Variants in POLR1G observed in about 807,000 individuals in gnomAD.
POLR1G encodes DNA-directed RNA polymerase I subunit RPA34.
POLR1G carries 9 observed loss-of-function variants against 6.3 expected under a neutral mutation model. That is an observed-to-expected ratio of 1.44 (90% CI 0.87 to 2.51). POLR1G has a LOEUF of 2.51. Ranked by LOEUF, POLR1G falls within the 30% of genes most tolerant of loss-of-function variation. The pLI, the probability that POLR1G is intolerant of heterozygous loss-of-function variation, is 0.00. For missense variants in POLR1G, 617 were observed against 632.5 expected (o/e 0.98, Z 0.26); for synonymous variants, 248 against 256.5 (o/e 0.97, Z 0.32).
At position 45,409,835 on chromosome 19, in the gene POLR1G, T is replaced by C. The variant is rs1007616; in HGVS notation, c.*334T>C. The stretch of plus-strand genomic sequence containing the variant: ...TATTTTCCCCTATACCCTCAAGCAT[T>C]TATCCATTGAGTTACAAACAATCCA... On this transcript the variant is annotated 3_prime_UTR_variant, in exon 3 of 3. Coordinates refer to ENST00000309424, the MANE Select transcript of POLR1G (RefSeq NM_012099.3). 319,017 of 697,704 alleles carry C rather than the reference T, an allele frequency of 0.46. 78,446 individuals are homozygous for C. The highest frequency in any genetic ancestry group is 0.73 in the East Asian group (26,733 of 36,796). 43.2% of individuals were successfully genotyped at this position (697,704 alleles called of 1,614,324 possible). A position where few individuals can be genotyped will look rare whatever the true frequency, so the allele number is the denominator to read the frequency against.
Position 45,408,623 on chromosome 19 carries a change from C to T in POLR1G, c.655C>T (p.Gln219Ter), listed in dbSNP as rs201059236. ...GCGGAAGAAGAAGAAGAAAAAAAAT[C>T]AGCAGCTGAAAGAACCAGAGGCAGC... ...DVRKKKKKKN[Q>*]QLKEPEAAGP... Residue 219 changes from glutamine (Q) to a stop codon, truncating the protein, a stop_gained, in exon 3 of 3, where the codon CAG becomes TAG. Transcript: ENST00000309424. LOFTEE classifies it low-confidence loss of function (END_TRUNC). 3.1e-6 allele frequency: 5 copies of T among 1,613,676 alleles called. No individual in the cohort carries two copies. Among genetic ancestry groups the T allele is most frequent in the Non-Finnish European group, 4.2e-6 (5 of 1,180,002 alleles).
chr19:45,406,719 G>C lies in POLR1G; in HGVS notation c.22+1G>C. On this transcript the variant is annotated splice_donor_variant, in intron 1 of 2. Transcript: ENST00000309424. LOFTEE classifies it high-confidence loss of function. The surrounding 1 kb of genome is among the most constrained non-coding windows in gnomAD (Gnocchi z 4.2). ...AGGATGGAGGAGCCCCAGGCCGGCG[G>C]TGAGGGTGCGGGTTGACGGGGTGCG... 6.5e-7 allele frequency: 1 copy of C among 1,531,964 alleles called. No individual in the cohort carries two copies. Among genetic ancestry groups the C allele is most frequent in the South Asian group, 1.2e-5 (1 of 81,562 alleles). The allele number at this position is 1,531,964 out of a possible 1,614,324, so 94.9% of individuals were successfully genotyped here.
In POLR1G at chr19:45,409,895, A is replaced by ATTAT. The variant is rs1555785258; in HGVS notation, c.*396_*397insATTT. 20,697 of 171,034 alleles carry ATTAT rather than the reference A, an allele frequency of 0.12. 1,457 individuals carry two copies. The highest frequency in any genetic ancestry group is 0.25 in the East Asian group (2,206 of 8,728). 10.6% of individuals were successfully genotyped at this position (171,034 alleles called of 1,614,324 possible). On this transcript the variant is annotated 3_prime_UTR_variant, in exon 3 of 3. Coordinates refer to ENST00000309424, the MANE Select transcript of POLR1G (RefSeq NM_012099.3). ...TTTTTAAGTTATTATTATTATTATT[A>ATTAT]TTTTTTTTTTTTTTGAGATGGAGTC...
rs563391291 is a variant in POLR1G at position 45,409,451 on chromosome 19, C to T, written c.1483C>T (p.Pro495Ser). ...GAATTCAGAGTCTGGGGAGGAGGCT[C>T]CCACAGGCCGGGACAAGAAGCGGAA... ...PLNSESGEEA[P>S]TGRDKKRKQQ... The change falls in exon 3 of 3, where the codon CCC (proline) becomes TCC (serine). Residue 495 changes from proline (P) to serine (S), a missense_variant. By Grantham distance (74) the Pro-to-Ser change is moderately conservative. Coordinates refer to ENST00000309424, the MANE Select transcript of POLR1G (RefSeq NM_012099.3). 1.2e-6 allele frequency: 2 copies of T among 1,613,186 alleles called. No homozygotes were observed. Among genetic ancestry groups the T allele is most frequent in the South Asian group, 1.1e-5 (1 of 91,038 alleles).
In POLR1G at chr19:45,408,956, A is replaced by T; in HGVS notation, c.988A>T (p.Arg330Trp). Residue 330 changes from arginine (R) to tryptophan (W), a missense_variant, in exon 3 of 3, where the codon AGG becomes TGG. Arg to Trp is a moderately radical substitution (Grantham distance 101). Transcript: ENST00000309424. ...EAIPLPPTKK[R>W]KKEKGQMAMM... ...CATCCCTCTGCCCCCTACGAAGAAG[A>T]GGAAAAAAGAAAAGGGACAGATGGC... 1 of 1,614,084 alleles carries T rather than the reference A, an allele frequency of 6.2e-7. No homozygotes were observed. The highest frequency in any genetic ancestry group is 8.5e-7 in the Non-Finnish European group (1 of 1,180,014).
rs546098765 is a variant in POLR1G, at chr19:45,409,901, T to A, written c.*400T>A. ...AGTTATTATTATTATTATTATTTTTTTTTTTTTTGAGATGGAGTCTCGCTC... is the reference window on the plus strand; with the variant it reads ...AGTTATTATTATTATTATTATTTTTATTTTTTTTGAGATGGAGTCTCGCTC... On this transcript the variant is annotated 3_prime_UTR_variant, in exon 3 of 3. Coordinates refer to ENST00000309424, the MANE Select transcript of POLR1G (RefSeq NM_012099.3). 1,107 of 242,122 alleles carry A rather than the reference T, an allele frequency of 4.6e-3. 16 individuals carry two copies. The highest frequency in any genetic ancestry group is 0.03 in the African/African-American group (1,030 of 34,298). The allele number at this position is 242,122 out of a possible 1,614,324, so 15.0% of individuals were successfully genotyped here. A position where few individuals can be genotyped will look rare whatever the true frequency, so the allele number is the denominator to read the frequency against.
chr19:45,407,496 G>T (rs533637524), intron 2 of POLR1G: 4 of 450,508 alleles, frequency 8.9e-6, no homozygotes, highest in Non-Finnish European at 1.6e-5. Context: ...CTCACTAAAG[G>T]TAGGGGCTAT....
rs1371326961 is a variant in POLR1G, at chr19:45,409,397, C to G, written c.1429C>G (p.Pro477Ala). 6.2e-7 allele frequency: 1 copy of G among 1,613,862 alleles called. No individual in the cohort carries two copies. The highest frequency in any genetic ancestry group is 1.3e-5 in the African/African-American group (1 of 74,902). Reference protein sequence around the residue: ...SQESRMPETVPQEEMPGPPLN... With the variant: ...SQESRMPETVAQEEMPGPPLN... ...GGAAAGCCGGATGCCAGAGACAGTG[C>G]CCCAAGAGGAGATGCCAGGGCCGCC... The change falls in exon 3 of 3, where the codon CCC becomes GCC. Residue 477 changes from proline to alanine, a missense_variant. Transcript: ENST00000309424.
Position 45,407,166 on chromosome 19 carries a change from T to C in POLR1G, c.95T>C (p.Leu32Ser). ...PPASESPRFS[L>S]EALTGPDTEL... ...GCCTCAGAGTCCCCTCGTTTCTCCTTGGAGGCGCTGACGGGTCCAGATACG... is the reference window on the plus strand; with the variant it reads ...GCCTCAGAGTCCCCTCGTTTCTCCTCGGAGGCGCTGACGGGTCCAGATACG... Residue 32 changes from leucine (L) to serine (S), a missense_variant, in exon 2 of 3, where the codon TTG becomes TCG. Transcript: ENST00000309424. The C allele has an allele frequency of 1.2e-6, 2 of 1,612,800 alleles. No homozygotes were observed. The highest frequency in any genetic ancestry group is 1.7e-5 in the Admixed American group (1 of 59,656).
Position 45,407,099 on chromosome 19 carries a change from G to C in POLR1G, c.28G>C (p.Ala10Pro). Residue 10 changes from alanine to proline, a missense_variant, in exon 2 of 3, where the codon GCT becomes CCT. Coordinates refer to ENST00000309424, the MANE Select transcript of POLR1G (RefSeq NM_012099.3). MEEPQAGDA[A>P]RFSCPPNFTA... ...CATTTCCCCTTCTGCTGCAGATGCT[G>C]CTCGGTTCTCTTGTCCCCCCAACTT... 11 of 1,592,402 alleles carry C rather than the reference G, an allele frequency of 6.9e-6. No homozygotes were observed. The highest frequency in any genetic ancestry group is 9.4e-6 in the Non-Finnish European group (11 of 1,173,776).
At chr19:45,408,061 C>CAA (rs11314106) in intron 2 of POLR1G, 72 bp from the exon 3 acceptor site, 26 of 1,403,822 alleles carry the variant, frequency 1.9e-5, no homozygotes, top group Admixed American at 7.1e-5. Context: ...CAAAAAAAAA[C>CAA]AAAAAAAAAA....
rs189503912 is a variant in POLR1G, at chr19:45,409,632, C to T, written c.*131C>T. The T allele has an allele frequency of 3.4e-3, 5,119 of 1,519,198 alleles. 10 individuals are homozygous for T. The highest frequency in any genetic ancestry group is 4.1e-3 in the Non-Finnish European group (4,544 of 1,097,766). The allele number at this position is 1,519,198 out of a possible 1,614,324, so 94.1% of individuals were successfully genotyped here. On this transcript the variant is annotated 3_prime_UTR_variant, in exon 3 of 3. Transcript: ENST00000309424. Reference sequence around the variant, plus strand: ...CCAGCAGGAGCCTGGCCTGGGAGGACGATTTATTATTACACTGGGGGTTTC... The same window carrying T: ...CCAGCAGGAGCCTGGCCTGGGAGGATGATTTATTATTACACTGGGGGTTTC...
chr19:45,406,981 G>C lies in POLR1G; in HGVS notation c.23-113G>C, dbSNP rs111467792. On this transcript the variant is annotated intron_variant, in intron 1 of 2. Transcript: ENST00000309424. The surrounding 1 kb of genome is among the most constrained non-coding windows in gnomAD (Gnocchi z 4.2). ...CAGGTGGGCAGAAAGGAGAAACCAG[G>C]TTGAGGGGACTGGAGTGCTCACGAG... 3.6e-6 allele frequency: 5 copies of C among 1,389,122 alleles called. No homozygotes were observed. Among genetic ancestry groups the C allele is most frequent in the Admixed American group, 2.4e-5 (1 of 41,186 alleles). 86.0% of individuals were successfully genotyped at this position (1,389,122 alleles called of 1,614,324 possible). A position where few individuals can be genotyped will look rare whatever the true frequency, so the allele number is the denominator to read the frequency against.
Position 45,408,600 on chromosome 19 carries a change from GGAA to G in POLR1G, c.645_647del (p.Lys217del), listed in dbSNP as rs760646316. ...TTGGGGTCGCCAGAAATGGATGTGC[GGAA>G]GAAGAAGAAGAAAAAAAATCAGCAG... On this transcript the variant is annotated inframe_deletion, in exon 3 of 3. Coordinates refer to ENST00000309424, the MANE Select transcript of POLR1G (RefSeq NM_012099.3). 135 of 1,613,560 alleles carry G rather than the reference GGAA, an allele frequency of 8.4e-5. No individual in the cohort carries two copies. The Middle Eastern group carries it at 2.0e-3, about 24-fold the overall frequency.
rs376126455 is a variant in POLR1G at position 45,409,448 on chromosome 19, G to A, written c.1480G>A (p.Ala494Thr). The A allele has an allele frequency of 2.7e-5, 44 of 1,612,990 alleles. No individual in the cohort carries two copies. The highest frequency in any genetic ancestry group is 3.7e-5 in the Non-Finnish European group (44 of 1,179,958). ...ACTGAATTCAGAGTCTGGGGAGGAG[G>A]CTCCCACAGGCCGGGACAAGAAGCG... is the stretch of plus-strand genomic sequence containing the variant. ...PPLNSESGEE[A>T]PTGRDKKRKQ... The change falls in exon 3 of 3, where the codon GCT becomes ACT. Residue 494 changes from alanine to threonine, a missense_variant. Coordinates refer to ENST00000309424, the MANE Select transcript of POLR1G (RefSeq NM_012099.3).
rs201700017 is a variant in POLR1G, at chr19:45,409,344, C to G, written c.1376C>G (p.Ser459Cys). ...GQPEARATPGSTKKRKKQSQE... is the reference protein window; with the variant it reads ...GQPEARATPGCTKKRKKQSQE... Reference sequence around the variant, plus strand: ...CCTGAAGCCAGGGCAACTCCGGGATCCACCAAGAAGAGGAAGAAGCAGAGT... The same window carrying G: ...CCTGAAGCCAGGGCAACTCCGGGATGCACCAAGAAGAGGAAGAAGCAGAGT... The change falls in exon 3 of 3, where the codon TCC becomes TGC. Residue 459 changes from serine to cysteine, a missense_variant. Ser to Cys is a moderately radical substitution (Grantham distance 112, BLOSUM62 -1). Coordinates refer to ENST00000309424, the MANE Select transcript of POLR1G (RefSeq NM_012099.3). 6.2e-7 allele frequency: 1 copy of G among 1,614,104 alleles called. No homozygotes were observed. The highest frequency in any genetic ancestry group is 1.1e-5 in the South Asian group (1 of 91,074).
rs181620276 is a variant in POLR1G, at chr19:45,409,965, C to T, written c.*464C>T. 2.1e-3 allele frequency: 371 copies of T among 180,440 alleles called. 2 individuals carry two copies. Among genetic ancestry groups the T allele is most frequent in the African/African-American group, 8.6e-3 (354 of 41,158 alleles). The allele number at this position is 180,440 out of a possible 1,614,324, so 11.2% of individuals were successfully genotyped here. On this transcript the variant is annotated 3_prime_UTR_variant, in exon 3 of 3. Transcript: ENST00000309424. ...GGAGTGCAGTGGCGCAATCTCGGCT[C>T]ACTGCAAGCTCCGCCTCCCGGGTTC...
rs3212986 is a variant in POLR1G at position 45,409,478 on chromosome 19, C to T, written c.1510C>T (p.Gln504Ter). ...APTGRDKKRK[Q>*]QQQQPV ...CACAGGCCGGGACAAGAAGCGGAAG[C>T]AGCAGCAGCAGCAGCCTGTGTAGTC... is the stretch of plus-strand genomic sequence containing the variant. Residue 504 changes from glutamine (Q) to a stop codon, truncating the protein, a stop_gained, in exon 3 of 3, where the codon CAG (glutamine) becomes TAG (stop). Coordinates refer to ENST00000309424, the MANE Select transcript of POLR1G (RefSeq NM_012099.3). LOFTEE classifies it high-confidence loss of function. 1.2e-6 allele frequency: 2 copies of T among 1,605,946 alleles called. No homozygotes were observed. Among genetic ancestry groups the T allele is most frequent in the East Asian group, 2.2e-5 (1 of 44,702 alleles).
Position 45,408,621 on chromosome 19 carries a change from A to G in POLR1G, c.653A>G (p.Asn218Ser), listed in dbSNP as rs753000019. Residue 218 changes from asparagine (N) to serine (S), a missense_variant, in exon 3 of 3, where the codon AAT (asparagine) becomes AGT (serine). Physicochemically the swap from Asn to Ser is conservative, Grantham distance 46. Coordinates refer to ENST00000309424, the MANE Select transcript of POLR1G (RefSeq NM_012099.3). ...MDVRKKKKKK[N>S]QQLKEPEAAG... ...GTGCGGAAGAAGAAGAAGAAAAAAAATCAGCAGCTGAAAGAACCAGAGGCA... is the reference window on the plus strand; with the variant it reads ...GTGCGGAAGAAGAAGAAGAAAAAAAGTCAGCAGCTGAAAGAACCAGAGGCA... 1 of 1,613,788 alleles carries G rather than the reference A, an allele frequency of 6.2e-7. No homozygotes were observed. The highest frequency in any genetic ancestry group is 8.5e-7 in the Non-Finnish European group (1 of 1,180,018).
Sources: gnomAD v4.1 joint callset for allele counts on GRCh38, gnomAD v4.1.1 for gene constraint, Gnocchi (gnomAD v3.1) non-coding constraint, MANE v1.5 for transcripts, NCBI Gene and HGNC (gene_info 2026-07-23, HGNC 2026-07-21) for gene names.